Variants in RGL4 observed in about 807,000 individuals in gnomAD.
The protein encoded by RGL4 is ral-GDS-related protein.
RGL4 carries 41 observed loss-of-function variants against 49.6 expected under a neutral mutation model. That is an observed-to-expected ratio of 0.83 (90% confidence interval 0.64 to 1.07). RGL4 has a LOEUF of 1.07. RGL4 is among the 50% of genes least tolerant of loss of function. RGL4 has a pLI of 0.00. For missense variants in RGL4, 610 were observed against 591.9 expected (o/e 1.03, Z -0.32); for synonymous variants, 255 against 238.0 (o/e 1.07, Z -0.66).
chr22:23,695,376 C>T, intron 6 of RGL4: 1 of 488,510 alleles, frequency 2.0e-6, no homozygotes, highest in East Asian at 6.4e-5. Flanking sequence ...GGAGGGTGAT[C>T]ATGGTAGGTG....
At chr22:23,695,303 G>T in intron 6 of RGL4, 1 of 455,326 alleles carries the variant, frequency 2.2e-6, no homozygotes, top group Non-Finnish European at 4.2e-6. Context: ...ATGAGCTGCA[G>T]CATTAGCAGG....
At position 23,692,860 on chromosome 22, in the gene RGL4, G is replaced by A; in HGVS notation, c.565G>A (p.Glu189Lys). 6.2e-7 allele frequency: 1 copy of A among 1,613,692 alleles called. No individual in the cohort carries two copies. The highest frequency in any genetic ancestry group is 8.5e-7 in the Non-Finnish European group (1 of 1,180,010). Residue 189 changes from glutamate (E) to lysine (K), a missense_variant, in exon 3 of 11, where the codon GAG becomes AAG. Transcript: ENST00000290691. ...AGGGCCCCCTCCAGGGACAGTGCTG[G>A]AGCCACAGTCAGCCCCAGAGTCCTC... The part of the protein sequence containing the change: ...GEGPPPGTVL[E>K]PQSAPESSCP...
rs759294973 is a variant in RGL4 at position 23,692,142 on chromosome 22, A to T, written c.112A>T (p.Thr38Ser). 2 of 1,614,208 alleles carry T rather than the reference A, an allele frequency of 1.2e-6. No individual in the cohort carries two copies. Among genetic ancestry groups the T allele is most frequent in the South Asian group, 2.2e-5 (2 of 91,090 alleles). ...EENVCGTPGR[T>S]RVCTALLYGQ... The stretch of plus-strand genomic sequence containing the variant: ...GAATGTCTGTGGGACGCCAGGGCGC[A>T]CGAGGGTCTGTACAGCCCTGCTGTA... Residue 38 changes from threonine to serine, a missense_variant, in exon 1 of 11, where the codon ACG (threonine) becomes TCG (serine). Physicochemically the swap from Thr to Ser is moderately conservative, Grantham distance 58. Transcript: ENST00000290691.
chr22:23,698,079 G>A (rs1923627697), intron 9 of RGL4, 133 bp from the exon 10 acceptor site: 1 of 1,303,222 alleles, frequency 7.7e-7, no homozygotes, highest in African/African-American at 1.5e-5. Flanking sequence ...CCAACTCTGA[G>A]AACAGGCTGG....
At chr22:23,696,189 C>A in intron 6 of RGL4, 1 of 733,612 alleles carries the variant, frequency 1.4e-6, no homozygotes, top group Non-Finnish European at 1.9e-6. Flanking sequence ...CCCTGGGGAG[C>A]CACTGCCCGC....
In RGL4 at chr22:23,694,589, A is replaced by G. The variant is rs1291436937; in HGVS notation, c.1016+139A>G. The stretch of plus-strand genomic sequence containing the variant: ...CAGGGATGGGCCGGTGGCTGTGGTC[A>G]CTAAGCTGCCCTGGACTCCTAGGCA... On this transcript the variant is annotated intron_variant, in intron 5 of 10. Coordinates refer to ENST00000290691, the MANE Select transcript of RGL4 (RefSeq NM_153615.2). 9 of 673,714 alleles carry G rather than the reference A, an allele frequency of 1.3e-5. No individual in the cohort carries two copies. In the East Asian group the frequency reaches 2.5e-4, roughly 18 times the overall value. The allele number at this position is 673,714 out of a possible 1,614,324, so 41.7% of individuals were successfully genotyped here.
chr22:23,692,112 G>A lies in RGL4; in HGVS notation c.82G>A (p.Glu28Lys), dbSNP rs138022247. Residue 28 changes from glutamate (E) to lysine (K), a missense_variant, in exon 1 of 11, where the codon GAA becomes AAA. Transcript: ENST00000290691. ...CAGTGCTGTGCTCCAGGGCCTTTGG[G>A]AAGAGAATGTCTGTGGGACGCCAGG... ...VYSAVLQGLW[E>K]ENVCGTPGRT... The A allele has an allele frequency of 1.2e-6, 2 of 1,614,186 alleles. No individual in the cohort carries two copies. Among genetic ancestry groups the A allele is most frequent in the African/African-American group, 2.7e-5 (2 of 75,060 alleles).
chr22:23,696,368 T>G, intron 6 of RGL4: 4 of 1,432,560 alleles, frequency 2.8e-6, no homozygotes, highest in Non-Finnish European at 3.7e-6. Context: ...TACAGGAAAC[T>G]GAGCCCTCAG....
In RGL4 at chr22:23,698,214, G is replaced by A; in HGVS notation, c.1263G>A (p.Glu421=). ...LDGNTNKRSK[E]VRVLQEMQLL... ...AGCATCCTGTCCTCTGTCTCTAGGAGGTCCGAGTTCTGCAGGAAATGCAGC... is the reference window on the plus strand; with the variant it reads ...AGCATCCTGTCCTCTGTCTCTAGGAAGTCCGAGTTCTGCAGGAAATGCAGC... Residue 421 remains glutamate (E), a splice_region_variant and synonymous_variant, in exon 10 of 11, where the codon GAG becomes GAA. Transcript: ENST00000290691. The A allele has an allele frequency of 1.2e-6, 2 of 1,605,202 alleles. No individual in the cohort carries two copies. Among genetic ancestry groups the A allele is most frequent in the Admixed American group, 3.3e-5 (2 of 59,884 alleles).
At position 23,699,009 on chromosome 22, in the gene RGL4, C is replaced by A; in HGVS notation, c.*126C>A. The A allele has an allele frequency of 1.3e-6, 2 of 1,551,574 alleles. No homozygotes were observed. The highest frequency in any genetic ancestry group is 1.7e-6 in the Non-Finnish European group (2 of 1,147,450). ...ATCTAGGAGGCTGGCAGCTCAGCTGCATCTTGCCCTGGATCCTCATCACCA... is the reference window on the plus strand; with the variant it reads ...ATCTAGGAGGCTGGCAGCTCAGCTGAATCTTGCCCTGGATCCTCATCACCA... On this transcript the variant is annotated 3_prime_UTR_variant, in exon 11 of 11. Coordinates refer to ENST00000290691, the MANE Select transcript of RGL4 (RefSeq NM_153615.2).
intron 6 of RGL4, 55 bp from the exon 7 acceptor site, chr22:23,696,559 T>G: frequency 1.2e-6 from 2 of 1,610,516 alleles, no homozygotes; most frequent in Non-Finnish European, 8.5e-7. Flanking sequence ...GTGGCTGGGG[T>G]GTAACTGGGG....
intron 6 of RGL4, chr22:23,696,257 C>T: frequency 3.4e-6 from 4 of 1,177,014 alleles, no homozygotes; most frequent in South Asian, 3.2e-5. Flanking sequence ...GTAGTGCAGG[C>T]CTCACAGGGT....
intron 6 of RGL4, chr22:23,696,395 C>G (rs1424565061): frequency 6.7e-7 from 1 of 1,497,682 alleles, no homozygotes; most frequent in Non-Finnish European, 9.0e-7. Context: ...TGTGAGGTAG[C>G]TGTGGTTTGC....
intron 8 of RGL4, among the ~76,000 whole-genome samples, 153 bp downstream of exon 8, chr22:23,697,398 C>T (rs1923576604): frequency 1.3e-5 from 2 of 152,214 alleles, no homozygotes; most frequent in African/African-American, 2.4e-5. Context: ...TCAGGCCCAT[C>T]TCATCACCTC....
chr22:23,695,438 T>TCTGTTG (rs71200896), intron 6 of RGL4: 123,812 of 548,380 alleles, frequency 0.23, 28,762 homozygotes, highest in Non-Finnish European at 0.33. Flanking sequence ...AAGCCAGGCC[T>TCTGTTG]CTGCTGCTGC....
intron 6 of RGL4, 168 bp downstream of exon 6, chr22:23,695,187 A>G: frequency 1.8e-6 from 1 of 562,518 alleles, no homozygotes; most frequent in Non-Finnish European, 3.3e-6. Flanking sequence ...GGCCAACAGG[A>G]AGAGTGGTGT....
chr22:23,693,733 C>T (rs767655104), intron 3 of RGL4, 26 bp from the exon 4 acceptor site: 26 of 1,581,888 alleles, frequency 1.6e-5, no homozygotes, highest in East Asian at 2.2e-5. Flanking sequence ...GTGCTGTGTC[C>T]GTGACACTCT....
Position 23,691,948 on chromosome 22 carries a change from C to T in RGL4, c.-83C>T. The T allele has an allele frequency of 6.7e-7, 1 of 1,489,830 alleles. No individual in the cohort carries two copies. Among genetic ancestry groups the T allele is most frequent in the Non-Finnish European group, 9.2e-7 (1 of 1,091,678 alleles). 92.3% of individuals were successfully genotyped at this position (1,489,830 alleles called of 1,614,324 possible). A position where few individuals can be genotyped will look rare whatever the true frequency, so the allele number is the denominator to read the frequency against. ...CCATCCCCCTCAGCACCGTGGCTTCCCAGCTCTCCCTGTCCTCCTCCCCCC... is the reference window on the plus strand; with the variant it reads ...CCATCCCCCTCAGCACCGTGGCTTCTCAGCTCTCCCTGTCCTCCTCCCCCC... On this transcript the variant is annotated 5_prime_UTR_variant, in exon 1 of 11. Transcript: ENST00000290691.
In RGL4 at chr22:23,698,199, C is replaced by G; in HGVS notation, c.1261-13C>G. On this transcript the variant is annotated splice_polypyrimidine_tract_variant and intron_variant, in intron 9 of 10. Coordinates refer to ENST00000290691, the MANE Select transcript of RGL4 (RefSeq NM_153615.2). The stretch of plus-strand genomic sequence containing the variant: ...CACCCAGGCCCTGTCAGCATCCTGT[C>G]CTCTGTCTCTAGGAGGTCCGAGTTC... 1 of 1,595,248 alleles carries G rather than the reference C, an allele frequency of 6.3e-7. No homozygotes were observed. The highest frequency in any genetic ancestry group is 8.6e-7 in the Non-Finnish European group (1 of 1,165,016).
Sources: allele counts gnomAD v4.1 joint callset (sites outside exome capture counted in the v4.1 genomes callset), GRCh38; gene constraint gnomAD v4.1.1; transcripts MANE v1.5; gene names NCBI Gene and HGNC (gene_info 2026-07-23, HGNC 2026-07-21).